VPS13B: variants seen among roughly 807,000 people sequenced by gnomAD.
VPS13B encodes the protein vacuolar protein sorting 13 homolog B, also known as intermembrane lipid transfer protein VPS13B.
In VPS13B, 285 loss-of-function variants were observed where a neutral mutation model predicts 426.4. The ratio of observed to expected loss-of-function variants is 0.67; its 90% CI spans 0.61 to 0.74. The LOEUF is 0.74. Ranked by LOEUF, VPS13B falls within the 30% of genes least tolerant of loss-of-function variation. The pLI, the probability that VPS13B is intolerant of heterozygous loss-of-function variation, is 0.00. For missense variants in VPS13B, 4,537 were observed against 4,782.6 expected (o/e 0.95, Z 1.51); for synonymous variants, 1,676 against 1,676.4 (o/e 1.00, Z 0.01).
At chr8:99,586,015 G>T (rs1490939184) in intron 33 of VPS13B, among the ~76,000 whole-genome samples, 30 of 152,108 alleles carry the variant, frequency 2.0e-4, no homozygotes, top group Non-Finnish European at 1.0e-4. Flanking sequence ...ACTCTACTTA[G>T]CCTCCTGCTG....
At chr8:99,834,314 T>A (rs547248089) in intron 52 of VPS13B, among the ~76,000 whole-genome samples, 1 of 152,272 alleles carries the variant, frequency 6.6e-6, no homozygotes, top group Non-Finnish European at 1.5e-5. Flanking sequence ...AATAGGAAAA[T>A]TTCTCTCTCT....
intron 21 of VPS13B, among the ~76,000 whole-genome samples, chr8:99,407,538 A>G (rs1249985902): frequency 1.3e-5 from 2 of 152,116 alleles, no homozygotes; most frequent in Admixed American, 1.3e-4. Flanking sequence ...TAGCACAAGT[A>G]GGCACTCAGT....
intron 33 of VPS13B, among the ~76,000 whole-genome samples, chr8:99,603,445 A>G (rs1212329987): frequency 6.6e-6 from 1 of 152,262 alleles, no homozygotes; most frequent in African/African-American, 2.4e-5. Context: ...AAGATAGAAC[A>G]ATTATAACAA....
At chr8:99,699,244 C>A (rs1832169680) in intron 35 of VPS13B, among the ~76,000 whole-genome samples, 2 of 149,668 alleles carry the variant, frequency 1.3e-5, no homozygotes. Flanking sequence ...AAATTGACAG[C>A]CTTGATATCC....
Position 99,467,733 on chromosome 8 carries a change from T to C in VPS13B, c.3666+99T>C, listed in dbSNP as rs796394858. The C allele has an allele frequency of 3.9e-6, 5 of 1,273,878 alleles. 1 individual carries two copies. The South Asian group carries it at 6.2e-5, about 16-fold the overall frequency. The allele number at this position is 1,273,878 out of a possible 1,614,324, so 78.9% of individuals were successfully genotyped here. On this transcript the variant is annotated intron_variant, in intron 24 of 61. Coordinates refer to ENST00000357162, the MANE Select transcript of VPS13B (RefSeq NM_152564.5). Reference sequence around the variant, plus strand: ...AGGGTTTCTCTTCTCTTGAGTATCCTAAATTATTTTTAACTTGGCCATCAA... The same window carrying C: ...AGGGTTTCTCTTCTCTTGAGTATCCCAAATTATTTTTAACTTGGCCATCAA...
chr8:99,285,836 C>T (rs1005684977), intron 19 of VPS13B, among the ~76,000 whole-genome samples: 4 of 152,184 alleles, frequency 2.6e-5, no homozygotes, highest in Non-Finnish European at 5.9e-5. Context: ...AAACCTCATT[C>T]TACTGACAGC....
intron 35 of VPS13B, among the ~76,000 whole-genome samples, chr8:99,688,756 A>G (rs1831524115): frequency 6.6e-6 from 1 of 152,084 alleles, no homozygotes; most frequent in African/African-American, 2.4e-5. Flanking sequence ...TGATTAATAG[A>G]AAAGCCATAC....
At chr8:99,349,694 A>G (rs1811763451) in intron 19 of VPS13B, among the ~76,000 whole-genome samples, 1 of 152,230 alleles carries the variant, frequency 6.6e-6, no homozygotes, top group South Asian at 2.1e-4. Context: ...AATTATAGAT[A>G]CATACTTTTC....
chr8:99,106,613 C>T (rs1847063953), intron 5 of VPS13B, among the ~76,000 whole-genome samples: 1 of 152,030 alleles, frequency 6.6e-6, no homozygotes. Flanking sequence ...CCCTTCTTTC[C>T]CCAAAGCAAC....
intron 21 of VPS13B, among the ~76,000 whole-genome samples, chr8:99,427,430 G>T (rs1490006454): frequency 4.7e-5 from 7 of 150,166 alleles, no homozygotes; most frequent in Non-Finnish European, 1.0e-4. Flanking sequence ...CTTTAAAGTA[G>T]TTTTTTCCAA....
intron 21 of VPS13B, among the ~76,000 whole-genome samples, chr8:99,413,271 C>A (rs1185196629): frequency 6.6e-6 from 1 of 152,086 alleles, no homozygotes; most frequent in Non-Finnish European, 1.5e-5. Flanking sequence ...TCAACTTCTT[C>A]CTGGTTTACT....
At chr8:99,509,115 C>T (rs2133630602) in intron 28 of VPS13B, among the ~76,000 whole-genome samples, 1 of 152,206 alleles carries the variant, frequency 6.6e-6, no homozygotes, top group South Asian at 2.1e-4. Flanking sequence ...CCAGTTTAGA[C>T]ACTTAGAACA....
intron 24 of VPS13B, among the ~76,000 whole-genome samples, chr8:99,475,507 A>AT (rs1164249670): frequency 6.6e-6 from 1 of 152,190 alleles, no homozygotes; most frequent in East Asian, 1.9e-4. Context: ...TATTATTCAT[A>AT]TTTTTAAAAT....
chr8:99,148,694 G>A (rs1810887811), intron 14 of VPS13B, among the ~76,000 whole-genome samples: 1 of 152,134 alleles, frequency 6.6e-6, no homozygotes, highest in South Asian at 2.1e-4. Context: ...CTGTCAGCCT[G>A]CCTAGATTCA....
chr8:99,809,657 G>C (rs1813597657), intron 44 of VPS13B, 127 bp downstream of exon 44: 6 of 1,119,854 alleles, frequency 5.4e-6, no homozygotes, highest in Non-Finnish European at 7.8e-6. Context: ...TACCATGCAT[G>C]TGAGCATTTA....
chr8:99,120,928 G>A (rs2132514806), intron 7 of VPS13B, among the ~76,000 whole-genome samples: 2 of 152,258 alleles, frequency 1.3e-5, no homozygotes, highest in South Asian at 2.1e-4. Context: ...AAAGTTATGT[G>A]CAGTTGATAA....
At chr8:99,352,756 G>A (rs1169997844) in intron 19 of VPS13B, among the ~76,000 whole-genome samples, 3 of 151,422 alleles carry the variant, frequency 2.0e-5, no homozygotes, top group Non-Finnish European at 2.9e-5. Flanking sequence ...CCCGGGAGGC[G>A]GAGGTTGCTG....
chr8:99,074,463 G>C (rs566787914), intron 3 of VPS13B, among the ~76,000 whole-genome samples: 3 of 149,366 alleles, frequency 2.0e-5, no homozygotes, highest in African/African-American at 7.4e-5. Context: ...AGCCGAGATC[G>C]CACCACTGCA....
chr8:99,594,625 A>T (rs190218084), intron 33 of VPS13B, among the ~76,000 whole-genome samples: 1 of 152,106 alleles, frequency 6.6e-6, no homozygotes, highest in Admixed American at 6.6e-5. Flanking sequence ...ATTATGCTCC[A>T]ATGTCCTATT....
Sources: gnomAD v4.1 joint callset for allele counts (sites outside exome capture counted in the v4.1 genomes callset) on GRCh38, gnomAD v4.1.1 for gene constraint, MANE v1.5 for transcripts, NCBI Gene and HGNC (gene_info 2026-07-23, HGNC 2026-07-21) for gene names.